PGM5: variants seen among roughly 807,000 people sequenced by gnomAD.
PGM5 encodes the protein phosphoglucomutase 5.
Under a neutral mutation model 59.2 loss-of-function variants are expected in PGM5, and 23 were observed. That is an observed-to-expected ratio of 0.39 (90% CI 0.28 to 0.55). The LOEUF (loss-of-function observed/expected upper bound fraction) is 0.55. PGM5 is among the 20% of genes least tolerant of loss of function. PGM5 has a pLI of 0.66. For missense variants in PGM5, 574 were observed against 748.3 expected (o/e 0.77, Z 2.72); for synonymous variants, 214 against 286.0 (o/e 0.75, Z 2.54).
At chr9:68,409,260 C>T (rs1200486264) in intron 6 of PGM5, among the ~76,000 whole-genome samples, 2 of 137,208 alleles carry the variant, frequency 1.5e-5, no homozygotes, top group African/African-American at 2.8e-5. Context: ...AATAGGAACA[C>T]TTTTACACTG....
At chr9:68,421,425 T>C (rs1823127386) in intron 6 of PGM5, among the ~76,000 whole-genome samples, 2 of 152,096 alleles carry the variant, frequency 1.3e-5, no homozygotes. Flanking sequence ...CTGTTTGAAA[T>C]ACTTAGAGCT....
chr9:68,505,790 G>C (rs183483735), intron 10 of PGM5, among the ~76,000 whole-genome samples: 1 of 152,200 alleles, frequency 6.6e-6, no homozygotes, highest in Admixed American at 6.5e-5. Flanking sequence ...AATTATGGTT[G>C]ATTAAATCAT....
intron 10 of PGM5, among the ~76,000 whole-genome samples, chr9:68,515,944 T>C (rs950737739): frequency 7.9e-5 from 12 of 152,186 alleles, no homozygotes; most frequent in African/African-American, 2.7e-4. Context: ...ATAATAACAA[T>C]AGTATCAAGT....
chr9:68,372,846 T>C (rs1277449506), intron 1 of PGM5, among the ~76,000 whole-genome samples: 2 of 151,808 alleles, frequency 1.3e-5, no homozygotes, highest in African/African-American at 2.4e-5. Flanking sequence ...AAAGAGAAGG[T>C]GCCACATACT....
chr9:68,510,301 G>A (rs782050424), intron 10 of PGM5, among the ~76,000 whole-genome samples: 22 of 151,702 alleles, frequency 1.5e-4, no homozygotes, highest in Non-Finnish European at 2.4e-4. Flanking sequence ...ACACGCACCC[G>A]CCACCACGCC....
intron 6 of PGM5, among the ~76,000 whole-genome samples, chr9:68,457,431 A>G (rs1426124289): frequency 2.6e-5 from 4 of 152,184 alleles, no homozygotes; most frequent in Non-Finnish European, 5.9e-5. Flanking sequence ...GCCTCACAGA[A>G]TTACTCTGTT....
intron 10 of PGM5, among the ~76,000 whole-genome samples, chr9:68,518,216 G>T (rs963230084): frequency 6.6e-6 from 1 of 152,194 alleles, no homozygotes; most frequent in African/African-American, 2.4e-5. Context: ...TTCCAAAGGT[G>T]GTATACAGAC....
chr9:68,458,702 A>T (rs1823815442), intron 6 of PGM5, among the ~76,000 whole-genome samples: 1 of 152,180 alleles, frequency 6.6e-6, no homozygotes. Flanking sequence ...ATTGAATAGC[A>T]CTGTGCTAAA....
chr9:68,372,631 G>A (rs782622867), intron 1 of PGM5, among the ~76,000 whole-genome samples: 114 of 152,230 alleles, frequency 7.5e-4, no homozygotes, highest in Non-Finnish European at 4.1e-4. Flanking sequence ...TGGTATTACA[G>A]CATTCTTGCA....
At chr9:68,505,204 C>T (rs1554688927) in intron 10 of PGM5, among the ~76,000 whole-genome samples, 1 of 152,148 alleles carries the variant, frequency 6.6e-6, no homozygotes, top group Admixed American at 6.5e-5. Flanking sequence ...TCCACATTGT[C>T]CATGTTAACG....
chr9:68,490,384 G>C (rs1232033062), intron 9 of PGM5, among the ~76,000 whole-genome samples: 1 of 152,192 alleles, frequency 6.6e-6, no homozygotes, highest in African/African-American at 2.4e-5. Flanking sequence ...GTCTCGCTCT[G>C]TCACCAGGCT....
intron 6 of PGM5, among the ~76,000 whole-genome samples, chr9:68,411,494 A>ATATATATATC (rs1822932919): frequency 6.8e-6 from 1 of 147,620 alleles, no homozygotes; most frequent in Non-Finnish European, 1.5e-5. Context: ...GTGTGTATAT[A>ATATATATATC]TATATATATG....
Position 68,503,423 on chromosome 9 carries a change from AGTGAAAAAATCG to A in PGM5, c.1614+4066_1614+4077del, listed in dbSNP as rs1824608950. On this transcript the variant is annotated intron_variant, in intron 10 of 10. Transcript: ENST00000396396. The stretch of plus-strand genomic sequence containing the variant: ...CTCATGAAATGAATACTGTACTGAA[AGTGAAAAAATCG>A]GTGTATGGGGACTCACAGTATGGTT... Among the ~76,000 whole-genome samples, 5 of 152,232 alleles carry A rather than the reference AGTGAAAAAATCG, an allele frequency of 3.3e-5. No homozygotes were observed. The South Asian group carries it at 1.0e-3, about 31-fold the overall frequency.
At chr9:68,434,280 G>A (rs1264448815) in intron 6 of PGM5, among the ~76,000 whole-genome samples, 1 of 128,696 alleles carries the variant, frequency 7.8e-6, no homozygotes, top group Non-Finnish European at 1.5e-5. Context: ...TTGTGCCACT[G>A]CAGTCCAGCC....
At chr9:68,387,643 C>G (rs1291925853) in intron 4 of PGM5, 55 bp downstream of exon 4, 1 of 1,559,738 alleles carries the variant, frequency 6.4e-7, no homozygotes, top group East Asian at 2.3e-5. Flanking sequence ...GACCTGTACA[C>G]CTGTTGGGTT....
intron 1 of PGM5, among the ~76,000 whole-genome samples, chr9:68,375,950 T>C (rs1446589154): frequency 6.6e-6 from 1 of 152,208 alleles, no homozygotes; most frequent in Non-Finnish European, 1.5e-5. Flanking sequence ...ATGTTTGGTA[T>C]GTTTGAGGAA....
chr9:68,376,823 TTCTTTCTTTC>T (rs1447845830), intron 1 of PGM5, among the ~76,000 whole-genome samples: 27 of 108,852 alleles, frequency 2.5e-4, no homozygotes, highest in African/African-American at 9.8e-4. Flanking sequence ...CTTTCTTTCT[TTCTTTCTTTC>T]TCTTTCTTTC....
At chr9:68,453,967 G>A (rs1336156765) in intron 6 of PGM5, among the ~76,000 whole-genome samples, 1 of 152,182 alleles carries the variant, frequency 6.6e-6, no homozygotes, top group Non-Finnish European at 1.5e-5. Flanking sequence ...TGGATGAAGA[G>A]TGTACTGGTG....
At chr9:68,402,372 C>G (rs1340862004) in intron 6 of PGM5, 3 of 152,192 alleles carry the variant, frequency 2.0e-5, no homozygotes, top group African/African-American at 7.2e-5. Flanking sequence ...CAAAGCATCT[C>G]TCTTGGAACT....
Sources: gnomAD v4.1 joint callset for allele counts (sites outside exome capture counted in the v4.1 genomes callset) on GRCh38, gnomAD v4.1.1 for gene constraint, MANE v1.5 for transcripts, NCBI Gene and HGNC (gene_info 2026-07-23, HGNC 2026-07-21) for gene names.